Variants in HTR6 observed in about 807,000 individuals in gnomAD.
HTR6 encodes 5-hydroxytryptamine receptor 6.
HTR6 carries 15 observed loss-of-function variants against 17.4 expected under a neutral mutation model. That is an observed-to-expected ratio of 0.86 (90% confidence interval 0.58 to 1.33). HTR6 has a LOEUF of 1.33. Among genes scored for constraint, HTR6 ranks in the 40% most tolerant of loss-of-function variants. HTR6 has a pLI of 0.00. For synonymous variants in HTR6, 326 were observed against 295.5 expected (o/e 1.10, Z -1.06); for missense variants, 578 against 616.0 (o/e 0.94, Z 0.65).
rs1045907204 is a variant in HTR6, at chr1:19,665,622, C to A, written c.-132C>A. The stretch of plus-strand genomic sequence containing the variant: ...GCGCCCCCGCCCATGTCCCCCCACT[C>A]ACCTCCCCCGGGGGGCGTGGTGAGT... On this transcript the variant is annotated 5_prime_UTR_variant, in exon 1 of 3. An upstream open reading frame in the 5' UTR gains an earlier in-frame stop. Coordinates refer to ENST00000289753, the MANE Select transcript of HTR6 (RefSeq NM_000871.3). The surrounding 1 kb of genome is among the most constrained non-coding windows in gnomAD (Gnocchi z 4.2). 4.7e-6 allele frequency: 3 copies of A among 634,230 alleles called. No homozygotes were observed. The African/African-American group carries it at 5.8e-5, about 12-fold the overall frequency. The allele number at this position is 634,230 out of a possible 1,614,324, so 39.3% of individuals were successfully genotyped here.
Position 19,666,400 on chromosome 1 carries a change from G to A in HTR6, c.647G>A (p.Arg216His), listed in dbSNP as rs201637638. The A allele has an allele frequency of 6.2e-7, 1 of 1,613,602 alleles. No homozygotes were observed. The highest frequency in any genetic ancestry group is 8.5e-7 in the Non-Finnish European group (1 of 1,179,972). Residue 216 changes from arginine (R) to histidine (H), a missense_variant, in exon 1 of 3, where the codon CGC becomes CAC. Arg to His is a conservative substitution (Grantham distance 29, BLOSUM62 0). Coordinates refer to ENST00000289753, the MANE Select transcript of HTR6 (RefSeq NM_000871.3). The surrounding 1 kb of genome is among the most constrained non-coding windows in gnomAD (Gnocchi z 4.5). Reference sequence around the variant, plus strand: ...TACTGCAGGATCCTGCTAGCTGCCCGCAAGCAGGCCGTGCAGGTGGCCTCC... The same window carrying A: ...TACTGCAGGATCCTGCTAGCTGCCCACAAGCAGGCCGTGCAGGTGGCCTCC... ...FTYCRILLAA[R>H]KQAVQVASLT...
In HTR6 at chr1:19,679,742, A is replaced by C. The variant is rs1186954336; in HGVS notation, c.*374A>C. On this transcript the variant is annotated 3_prime_UTR_variant, in exon 3 of 3. Coordinates refer to ENST00000289753, the MANE Select transcript of HTR6 (RefSeq NM_000871.3). This position sits in a 1 kb window ranked among gnomAD's most constrained non-coding sequence, Gnocchi z 4.9. ...GGAATGCCCCCACCTGCAGGCATGG[A>C]TTAATGCTGGGCTGAACCCCTTGCT... 6.6e-6 allele frequency among the ~76,000 whole-genome samples: 1 copy of C among 152,194 alleles called. No individual in the cohort carries two copies. Among genetic ancestry groups the C allele is most frequent in the Admixed American group, 6.5e-5 (1 of 15,286 alleles).
At chr1:19,675,615 T>G (rs186534343) in intron 1 of HTR6, among the ~76,000 whole-genome samples, 13 of 152,188 alleles carry the variant, frequency 8.5e-5, no homozygotes, top group Non-Finnish European at 1.6e-4. Context: ...ACCTGAGATA[T>G]TCCCCCTAGT....
intron 1 of HTR6, among the ~76,000 whole-genome samples, chr1:19,678,253 T>C (rs2095096747): frequency 6.6e-6 from 1 of 152,190 alleles, no homozygotes; most frequent in Non-Finnish European, 1.5e-5. Flanking sequence ...GGGACCAGGA[T>C]CAGAGCTCAG....
At chr1:19,674,406 CTTTTTTT>C (rs34322917) in intron 1 of HTR6, among the ~76,000 whole-genome samples, 1 of 129,354 alleles carries the variant, frequency 7.7e-6, no homozygotes, top group Non-Finnish European at 1.6e-5. Context: ...CCACTCTTCT[CTTTTTTT>C]TTTTTTTTTT....
chr1:19,673,319 C>T (rs945154880), intron 1 of HTR6, among the ~76,000 whole-genome samples: 4 of 152,226 alleles, frequency 2.6e-5, no homozygotes, highest in African/African-American at 4.8e-5. Flanking sequence ...TAAGGTCACT[C>T]CACTAGTTTG....
rs563440097 is a variant in HTR6 at position 19,680,919 on chromosome 1, C to T, written c.*1551C>T. On this transcript the variant is annotated 3_prime_UTR_variant, in exon 3 of 3. Transcript: ENST00000289753. ...ATGGTGCTTGCGGGGCTTCCCCTATCCCCCAGGTCTGCCCAAGGGGACTCT... is the reference window on the plus strand; with the variant it reads ...ATGGTGCTTGCGGGGCTTCCCCTATTCCCCAGGTCTGCCCAAGGGGACTCT... 9.0e-4 allele frequency among the ~76,000 whole-genome samples: 137 copies of T among 152,260 alleles called. No homozygotes were observed. Among genetic ancestry groups the T allele is most frequent in the Non-Finnish European group, 1.5e-3 (105 of 68,020 alleles).
intron 1 of HTR6, among the ~76,000 whole-genome samples, chr1:19,667,630 G>T (rs2095083254): frequency 6.6e-6 from 1 of 152,148 alleles, no homozygotes; most frequent in Non-Finnish European, 1.5e-5. Flanking sequence ...TGGCCAGGTT[G>T]GTCTTGAACT....
chr1:19,672,055 G>A (rs145114709), intron 1 of HTR6, among the ~76,000 whole-genome samples: 49 of 152,126 alleles, frequency 3.2e-4, no homozygotes, highest in African/African-American at 1.2e-3. Context: ...AGATTGTGGA[G>A]GGTCCAGGGT....
rs923259357 is a variant in HTR6, at chr1:19,678,487, T to C, written c.715-80T>C. The C allele has an allele frequency of 3.2e-6, 5 of 1,539,526 alleles. No homozygotes were observed. The African/African-American group carries it at 5.4e-5, about 17-fold the overall frequency. ...ACTAGGGCTCAGTCTAGAATTAGGATTGAAGCTCAGTCTGTGGCTAGGATC... is the reference window on the plus strand; with the variant it reads ...ACTAGGGCTCAGTCTAGAATTAGGACTGAAGCTCAGTCTGTGGCTAGGATC... On this transcript the variant is annotated intron_variant, in intron 1 of 2. Transcript: ENST00000289753.
chr1:19,680,194 T>C lies in HTR6; in HGVS notation c.*826T>C, dbSNP rs1360776298. On this transcript the variant is annotated 3_prime_UTR_variant, in exon 3 of 3. Transcript: ENST00000289753. Reference sequence around the variant, plus strand: ...AAGACAATGTGTGCCCAGCACCCAGTACACGGTCAGTTAATTGGTACGTTC... The same window carrying C: ...AAGACAATGTGTGCCCAGCACCCAGCACACGGTCAGTTAATTGGTACGTTC... 1.3e-5 allele frequency among the ~76,000 whole-genome samples: 2 copies of C among 152,238 alleles called. No individual in the cohort carries two copies. The highest frequency in any genetic ancestry group is 4.8e-5 in the African/African-American group (2 of 41,460).
chr1:19,678,622 C>A lies in HTR6; in HGVS notation c.770C>A (p.Thr257Lys), dbSNP rs756332636. 3 of 1,613,546 alleles carry A rather than the reference C, an allele frequency of 1.9e-6. No individual in the cohort carries two copies. The East Asian group carries it at 6.7e-5, about 36-fold the overall frequency. ...VESADSRRLA[T>K]KHSRKALKAS... is the part of the protein sequence containing the mutation. ...TCTGCTGACAGCAGGCGTCTAGCCA[C>A]GAAGCACAGCAGGAAGGCCCTGAAG... Residue 257 changes from threonine (T) to lysine (K), a missense_variant, in exon 2 of 3, where the codon ACG becomes AAG. By Grantham distance (78) the Thr-to-Lys change is moderately conservative. Coordinates refer to ENST00000289753, the MANE Select transcript of HTR6 (RefSeq NM_000871.3).
intron 1 of HTR6, among the ~76,000 whole-genome samples, chr1:19,672,011 G>T (rs1325130403): frequency 6.6e-6 from 1 of 152,006 alleles, no homozygotes; most frequent in Non-Finnish European, 1.5e-5. Context: ...GAAGGTGGGG[G>T]CCTGGATGTG....
chr1:19,671,784 C>A (rs995309046), intron 1 of HTR6, among the ~76,000 whole-genome samples: 2 of 152,206 alleles, frequency 1.3e-5, no homozygotes, highest in African/African-American at 4.8e-5. Flanking sequence ...TTGAGCATTT[C>A]ATCCCCTCTC....
chr1:19,670,297 C>T (rs751997160), intron 1 of HTR6, among the ~76,000 whole-genome samples: 3 of 151,836 alleles, frequency 2.0e-5, no homozygotes, highest in Non-Finnish European at 4.4e-5. Context: ...TCAAGAGTAG[C>T]ACCTCTCACC....
In HTR6 at chr1:19,666,535, C is replaced by A; in HGVS notation, c.714+68C>A. 8.5e-7 allele frequency: 1 copy of A among 1,171,864 alleles called. No homozygotes were observed. Among genetic ancestry groups the A allele is most frequent in the Non-Finnish European group, 1.2e-6 (1 of 841,208 alleles). The allele number at this position is 1,171,864 out of a possible 1,614,324, so 72.6% of individuals were successfully genotyped here. ...GGAATGAGCAGCCCCTGGGGACCCC[C>A]TGGGCATCCCCACTTAGCACACATT... is the stretch of plus-strand genomic sequence containing the variant. On this transcript the variant is annotated intron_variant, in intron 1 of 2. Transcript: ENST00000289753. This position sits in a 1 kb window ranked among gnomAD's most constrained non-coding sequence, Gnocchi z 4.5.
Position 19,665,686 on chromosome 1 carries a change from G to T in HTR6, c.-68G>T, listed in dbSNP as rs1385938410. 4 of 1,073,966 alleles carry T rather than the reference G, an allele frequency of 3.7e-6. No individual in the cohort carries two copies. Among genetic ancestry groups the T allele is most frequent in the African/African-American group, 3.4e-5 (2 of 59,656 alleles). The allele number at this position is 1,073,966 out of a possible 1,614,324, so 66.5% of individuals were successfully genotyped here. On this transcript the variant is annotated 5_prime_UTR_variant, in exon 1 of 3. Coordinates refer to ENST00000289753, the MANE Select transcript of HTR6 (RefSeq NM_000871.3). This position sits in a 1 kb window ranked among gnomAD's most constrained non-coding sequence, Gnocchi z 4.2. ...CACGGACGGTCCCCGTCCAGCCTGCGCTTCGCCGGGGCCCTCATCTGCTTT... is the reference window on the plus strand; with the variant it reads ...CACGGACGGTCCCCGTCCAGCCTGCTCTTCGCCGGGGCCCTCATCTGCTTT...
At chr1:19,669,603 C>G (rs1266245187) in intron 1 of HTR6, among the ~76,000 whole-genome samples, 1 of 152,174 alleles carries the variant, frequency 6.6e-6, no homozygotes, top group Non-Finnish European at 1.5e-5. Context: ...CTTCTCTGTG[C>G]CTTCTGGTCT....
At chr1:19,678,308 G>A (rs1376473370) in intron 1 of HTR6, among the ~76,000 whole-genome samples, 1 of 151,856 alleles carries the variant, frequency 6.6e-6, no homozygotes, top group East Asian at 1.9e-4. Context: ...TGGTTATGTA[G>A]GGCTTTATGG....
Sources: allele counts gnomAD v4.1 joint callset (sites outside exome capture counted in the v4.1 genomes callset), GRCh38; gene constraint gnomAD v4.1.1; non-coding constraint Gnocchi (gnomAD v3.1); transcripts MANE v1.5; gene names NCBI Gene and HGNC (gene_info 2026-07-23, HGNC 2026-07-21).